Variants in PIEZO2 observed in about 807,000 individuals in gnomAD.
PIEZO2 encodes the protein piezo-type mechanosensitive ion channel component 2.
PIEZO2 carries 172 observed loss-of-function variants against 337.3 expected under a neutral mutation model. The ratio of observed to expected loss-of-function variants is 0.51; its 90% CI spans 0.45 to 0.58. The LOEUF (loss-of-function observed/expected upper bound fraction) is 0.58. PIEZO2 is among the 20% of genes least tolerant of loss of function. PIEZO2 has a pLI of 0.00. For missense variants in PIEZO2, 3,028 were observed against 3,391.3 expected (o/e 0.89, Z 2.66); for synonymous variants, 1,251 against 1,228.5 (o/e 1.02, Z -0.38).
intron 7 of PIEZO2, among the ~76,000 whole-genome samples, chr18:10,841,890 G>C (rs1030527900): frequency 6.6e-6 from 1 of 152,164 alleles, no homozygotes; most frequent in African/African-American, 2.4e-5. Context: ...AACGCAGGGC[G>C]TGGTGGCTCA....
chr18:10,890,791 C>T (rs1263155472), intron 4 of PIEZO2: 1 of 151,492 alleles, frequency 6.6e-6, no homozygotes. Flanking sequence ...ACTTCTAATT[C>T]GCTTCTGAGC....
intron 2 of PIEZO2, among the ~76,000 whole-genome samples, chr18:11,018,626 G>A (rs530381482): frequency 1.3e-5 from 2 of 152,176 alleles, no homozygotes; most frequent in Non-Finnish European, 2.9e-5. Flanking sequence ...TATGCCTGGT[G>A]GGACAGCTTG....
chr18:11,120,549 G>C (rs146774927), intron 1 of PIEZO2, among the ~76,000 whole-genome samples: 2 of 152,010 alleles, frequency 1.3e-5, no homozygotes, highest in Admixed American at 1.3e-4. Context: ...TTTCGAAGCA[G>C]GAAAACAAAC....
rs1197047635 is a variant in PIEZO2 at position 10,872,183 on chromosome 18, T to C, written c.330-768A>G. Among the ~76,000 whole-genome samples, 1 of 152,234 alleles carries C rather than the reference T, an allele frequency of 6.6e-6. No individual in the cohort carries two copies. Among genetic ancestry groups the C allele is most frequent in the Non-Finnish European group, 1.5e-5 (1 of 68,042 alleles). ...TCTTTGTAAAGAATGAAACACATAT[T>C]TTCACTAAGCCTACATTTTGAGAAG... On this transcript the variant is annotated intron_variant, in intron 4 of 55. Coordinates refer to ENST00000674853, the MANE Select transcript of PIEZO2 (RefSeq NM_001378183.1). This position sits in a 1 kb window ranked among gnomAD's most constrained non-coding sequence, Gnocchi z 4.3.
rs1568255911 is a variant in PIEZO2 at position 10,973,713 on chromosome 18, G to T, written c.286+5822C>A. 6.6e-6 allele frequency among the ~76,000 whole-genome samples: 1 copy of T among 152,180 alleles called. No homozygotes were observed. Among genetic ancestry groups the T allele is most frequent in the Non-Finnish European group, 1.5e-5 (1 of 68,034 alleles). ...CTGAATGAGTTAGGGAATGGAAAGA[G>T]AAGGGGACGGGGCAAGGTGAGGAAC... is the stretch of plus-strand genomic sequence containing the variant. On this transcript the variant is annotated intron_variant, in intron 3 of 55. Coordinates refer to ENST00000674853, the MANE Select transcript of PIEZO2 (RefSeq NM_001378183.1). This position sits in a 1 kb window ranked among gnomAD's most constrained non-coding sequence, Gnocchi z 4.9.
At chr18:10,778,682 T>A (rs2038876128) in intron 18 of PIEZO2, among the ~76,000 whole-genome samples, 1 of 152,220 alleles carries the variant, frequency 6.6e-6, no homozygotes. Context: ...GAGATTTCAC[T>A]GGAAAGAAGG....
At chr18:10,814,584 C>T (rs768406769) in intron 7 of PIEZO2, among the ~76,000 whole-genome samples, 3 of 152,152 alleles carry the variant, frequency 2.0e-5, no homozygotes, top group Non-Finnish European at 4.4e-5. Flanking sequence ...AAACCACACT[C>T]AACAGAGAGG....
intron 48 of PIEZO2, among the ~76,000 whole-genome samples, chr18:10,690,243 G>A (rs573040356): frequency 2.0e-5 from 3 of 152,278 alleles, no homozygotes; most frequent in East Asian, 1.9e-4. Context: ...GTTGTAGGGA[G>A]CCAGGGTGTG....
rs1231683748 is a variant in PIEZO2 at position 10,973,678 on chromosome 18, T to C, written c.286+5857A>G. Among the ~76,000 whole-genome samples, 2 of 152,088 alleles carry C rather than the reference T, an allele frequency of 1.3e-5. No homozygotes were observed. Among genetic ancestry groups the C allele is most frequent in the Non-Finnish European group, 2.9e-5 (2 of 68,000 alleles). On this transcript the variant is annotated intron_variant, in intron 3 of 55. Transcript: ENST00000674853. This position sits in a 1 kb window ranked among gnomAD's most constrained non-coding sequence, Gnocchi z 4.9. ...CTGGCCCGAGGAGAGAAGAAGGCTG[T>C]GTGTTGTGCCTGAATGAGTTAGGGA... is the stretch of plus-strand genomic sequence containing the variant.
intron 1 of PIEZO2, among the ~76,000 whole-genome samples, chr18:11,073,923 T>C (rs1223396679): frequency 6.6e-6 from 1 of 151,202 alleles, no homozygotes; most frequent in African/African-American, 2.4e-5. Context: ...CTCGGCTCGC[T>C]GCAACCTCCA....
At chr18:10,808,603 GAAAT>G (rs1319111414) in intron 7 of PIEZO2, among the ~76,000 whole-genome samples, 1 of 152,064 alleles carries the variant, frequency 6.6e-6, no homozygotes, top group Non-Finnish European at 1.5e-5. Context: ...ATTTTTATCA[GAAAT>G]AAATAAGTTA....
At chr18:11,142,253 C>T (rs547287193) in intron 1 of PIEZO2, among the ~76,000 whole-genome samples, 57 of 152,104 alleles carry the variant, frequency 3.7e-4, no homozygotes, top group Admixed American at 3.3e-4. Flanking sequence ...CAAAGCTATA[C>T]GTTGCTGTTA....
In PIEZO2 at chr18:11,125,052, T is replaced by C. The variant is rs908413839; in HGVS notation, c.64+23473A>G. On this transcript the variant is annotated intron_variant, in intron 1 of 55. Coordinates refer to ENST00000674853, the MANE Select transcript of PIEZO2 (RefSeq NM_001378183.1). This position sits in a 1 kb window ranked among gnomAD's most constrained non-coding sequence, Gnocchi z 4.4. ...TTAGATAATTTTTCTGAGTTTCTAT[T>C]TTCTCATGTAAAACCTTTCCTCCTT... 6.6e-6 allele frequency among the ~76,000 whole-genome samples: 1 copy of C among 152,166 alleles called. No homozygotes were observed. The highest frequency in any genetic ancestry group is 1.5e-5 in the Non-Finnish European group (1 of 68,032).
Position 10,815,736 on chromosome 18 carries a change from G to C in PIEZO2, c.918-8462C>G, listed in dbSNP as rs548214558. Among the ~76,000 whole-genome samples the C allele has an allele frequency of 6.6e-6, 1 of 152,312 alleles. No homozygotes were observed. The highest frequency in any genetic ancestry group is 6.5e-5 in the Admixed American group (1 of 15,304). On this transcript the variant is annotated intron_variant, in intron 7 of 55. Coordinates refer to ENST00000674853, the MANE Select transcript of PIEZO2 (RefSeq NM_001378183.1). This position sits in a 1 kb window ranked among gnomAD's most constrained non-coding sequence, Gnocchi z 4.1. ...AAGAGAAGAAGGAGAACAGTCTTCT[G>C]ATGGTACATTATAGCTATAATCTAA...
intron 4 of PIEZO2, among the ~76,000 whole-genome samples, chr18:10,887,324 C>T (rs536610213): frequency 1.3e-5 from 2 of 152,086 alleles, no homozygotes; most frequent in South Asian, 4.2e-4. Flanking sequence ...CCACCTCAGC[C>T]TCCCAAAGTT....
intron 2 of PIEZO2, among the ~76,000 whole-genome samples, chr18:11,064,138 T>C (rs539142758): frequency 5.9e-5 from 9 of 152,334 alleles, no homozygotes; most frequent in Non-Finnish European, 1.2e-4. Context: ...TTGGACAAGC[T>C]TGGTCTAACA....
chr18:10,892,904 A>G (rs2042796629), intron 4 of PIEZO2, among the ~76,000 whole-genome samples: 1 of 152,258 alleles, frequency 6.6e-6, no homozygotes, highest in African/African-American at 2.4e-5. Context: ...ACTAAATGGT[A>G]GGCATTGTTT....
At chr18:10,744,120 T>C (rs1353760645) in intron 31 of PIEZO2, 22 bp downstream of exon 31, 3 of 1,489,266 alleles carry the variant, frequency 2.0e-6, no homozygotes, top group Non-Finnish European at 2.7e-6. Context: ...GGAAGGAGGA[T>C]GAGCATCAAT....
chr18:10,770,876 AC>A, intron 20 of PIEZO2, among the ~76,000 whole-genome samples: 2 of 152,044 alleles, frequency 1.3e-5, no homozygotes, highest in Admixed American at 1.3e-4. Context: ...GACTACAGGC[AC>A]ATACCACCAT....
Sources: allele counts gnomAD v4.1 joint callset (sites outside exome capture counted in the v4.1 genomes callset), GRCh38; gene constraint gnomAD v4.1.1; non-coding constraint Gnocchi (gnomAD v3.1); transcripts MANE v1.5; gene names NCBI Gene and HGNC (gene_info 2026-07-23, HGNC 2026-07-21).